The following FRMPD1 variants were observed in gnomAD, a reference collection of about 807,000 sequenced individuals.
FRMPD1 encodes FERM and PDZ domain containing 1.
A neutral mutation model predicts 117.8 loss-of-function variants in FRMPD1; 76 were observed. The ratio of observed to expected loss-of-function variants is 0.65; its 90% CI spans 0.54 to 0.78. The LOEUF is 0.78. FRMPD1 is among the 30% of genes least tolerant of loss of function. FRMPD1 has a pLI of 0.00. For missense variants in FRMPD1, 1,786 were observed against 1,964.5 expected (o/e 0.91, Z 1.72); for synonymous variants, 783 against 770.4 (o/e 1.02, Z -0.27).
chr9:37,730,979 C>T lies in FRMPD1; in HGVS notation c.739-5C>T, dbSNP rs749268128. ...GATTAATAGTATCTCCCTTACCCAT[C>T]GCAGGTGGTAGAAAGGGAGGAGTCA... On this transcript the variant is annotated splice_polypyrimidine_tract_variant and splice_region_variant and intron_variant, in intron 8 of 15. Transcript: ENST00000377765. 3.1e-5 allele frequency: 50 copies of T among 1,613,516 alleles called. No homozygotes were observed. The highest frequency in any genetic ancestry group is 8.9e-5 in the East Asian group (4 of 44,892).
chr9:37,742,688 T>C (rs1277546291), intron 15 of FRMPD1, among the ~76,000 whole-genome samples: 1 of 152,084 alleles, frequency 6.6e-6, no homozygotes, highest in Non-Finnish European at 1.5e-5. Flanking sequence ...CACCTGAGGT[T>C]GGGAGTTTGA....
chr9:37,743,904 G>A (rs1163404262), intron 15 of FRMPD1, among the ~76,000 whole-genome samples: 2 of 144,612 alleles, frequency 1.4e-5, no homozygotes, highest in African/African-American at 2.6e-5. Context: ...CAAAAAAAAA[G>A]AAAAAAAAAA....
chr9:37,636,596 G>A, the FRMPD1 span: 1 of 917,228 alleles, frequency 1.1e-6, no homozygotes, highest in Admixed American at 2.9e-5. Context: ...AGACTCAAAT[G>A]CCCCAGGAGA....
the FRMPD1 span, among the ~76,000 whole-genome samples, chr9:37,615,992 T>G: frequency 2.0e-5 from 3 of 151,992 alleles, no homozygotes; most frequent in Non-Finnish European, 4.4e-5. Context: ...TTTTTGTGTA[T>G]TTTTAGTAGA....
At position 37,745,730 on chromosome 9, in the gene FRMPD1, A is replaced by T. The variant is rs1332679166; in HGVS notation, c.3698A>T (p.His1233Leu). ...PEGIKAEAPN[H>L]VTGQDIAPRD... is the part of the protein sequence containing the mutation. ...GGGATCAAGGCAGAGGCACCTAACC[A>T]TGTGACAGGGCAAGATATAGCCCCT... The change falls in exon 16 of 16, where the codon CAT (histidine) becomes CTT (leucine). Residue 1233 changes from histidine (H) to leucine (L), a missense_variant. By Grantham distance (99) the His-to-Leu change is moderately conservative. Coordinates refer to ENST00000377765, the MANE Select transcript of FRMPD1 (RefSeq NM_014907.3). 6.2e-7 allele frequency: 1 copy of T among 1,614,194 alleles called. No individual in the cohort carries two copies. The highest frequency in any genetic ancestry group is 8.5e-7 in the Non-Finnish European group (1 of 1,180,024).
intron 1 of FRMPD1, among the ~76,000 whole-genome samples, chr9:37,691,529 T>C (rs1822138386): frequency 6.6e-6 from 1 of 152,242 alleles, no homozygotes; most frequent in Admixed American, 6.5e-5. Flanking sequence ...TAGGGAAAGC[T>C]GAATGAAGGG....
At chr9:37,705,388 C>T (rs991121438) in intron 2 of FRMPD1, among the ~76,000 whole-genome samples, 1 of 152,144 alleles carries the variant, frequency 6.6e-6, no homozygotes, top group African/African-American at 2.4e-5. Context: ...AGAGCAGTGG[C>T]ATGATCTCAG....
chr9:37,618,988 C>T, the FRMPD1 span, among the ~76,000 whole-genome samples: 4 of 152,190 alleles, frequency 2.6e-5, no homozygotes, highest in African/African-American at 4.8e-5. Flanking sequence ...CTGGGATTGA[C>T]TTTATCATTT....
At chr9:37,683,607 G>A (rs1353071355) in intron 1 of FRMPD1, among the ~76,000 whole-genome samples, 4 of 152,256 alleles carry the variant, frequency 2.6e-5, no homozygotes, top group Admixed American at 6.5e-5. Flanking sequence ...GAGGGCATGA[G>A]AAACCAAAGC....
intron 2 of FRMPD1, among the ~76,000 whole-genome samples, chr9:37,694,662 G>A (rs1021280576): frequency 9.2e-5 from 14 of 152,022 alleles, no homozygotes; most frequent in African/African-American, 1.2e-4. Flanking sequence ...TCAGCCTCCC[G>A]TGTAGCTGGG....
the FRMPD1 span, among the ~76,000 whole-genome samples, chr9:37,623,502 G>C: frequency 0.022 from 3,365 of 152,284 alleles, 142 homozygotes; most frequent in African/African-American, 0.077. Flanking sequence ...GGCCCCTCTA[G>C]GCTAAGGAAA....
chr9:37,685,356 C>A (rs1365557608), intron 1 of FRMPD1, among the ~76,000 whole-genome samples: 2 of 152,060 alleles, frequency 1.3e-5, no homozygotes, highest in African/African-American at 4.8e-5. Context: ...AATAAATTTG[C>A]CTTTCGGCTG....
chr9:37,610,461 C>T, the FRMPD1 span, among the ~76,000 whole-genome samples: 1 of 141,616 alleles, frequency 7.1e-6, no homozygotes, highest in Non-Finnish European at 1.5e-5. Flanking sequence ...GAGACGGAGT[C>T]CCACTCTGTC....
chr9:37,629,441 G>T, the FRMPD1 span, among the ~76,000 whole-genome samples: 1 of 152,142 alleles, frequency 6.6e-6, no homozygotes, highest in South Asian at 2.1e-4. Flanking sequence ...TGGAGTGGGG[G>T]CTGCTCTATA....
chr9:37,746,818 T>TCC lies in FRMPD1; in HGVS notation c.*51_*52dup. ...CCTGCCCTGTCCTGCCTTGGACACT[T>TCC]CCCTGAGAAGCCCCTTCCACTCTCC... On this transcript the variant is annotated 3_prime_UTR_variant, in exon 16 of 16. Transcript: ENST00000377765. 7.7e-7 allele frequency: 1 copy of TCC among 1,304,214 alleles called. No homozygotes were observed. The highest frequency in any genetic ancestry group is 1.1e-6 in the Non-Finnish European group (1 of 910,300). 80.8% of individuals were successfully genotyped at this position (1,304,214 alleles called of 1,614,324 possible).
At chr9:37,695,919 C>G (rs1288320325) in intron 2 of FRMPD1, among the ~76,000 whole-genome samples, 1 of 152,088 alleles carries the variant, frequency 6.6e-6, no homozygotes, top group Non-Finnish European at 1.5e-5. Flanking sequence ...CTCGACCCCA[C>G]CCCAAACCAT....
Position 37,733,711 on chromosome 9 carries a change from T to G in FRMPD1, c.1123-19T>G. 6 of 1,573,092 alleles carry G rather than the reference T, an allele frequency of 3.8e-6. No homozygotes were observed. Among genetic ancestry groups the G allele is most frequent in the Non-Finnish European group, 4.4e-6 (5 of 1,144,392 alleles). On this transcript the variant is annotated intron_variant, in intron 11 of 15. Coordinates refer to ENST00000377765, the MANE Select transcript of FRMPD1 (RefSeq NM_014907.3). Reference sequence around the variant, plus strand: ...CAATGAATAACTCTGACTTCAAGTGTTTTTTTTTCTCTATTAAGCAACTTA... The same window carrying G: ...CAATGAATAACTCTGACTTCAAGTGGTTTTTTTTCTCTATTAAGCAACTTA...
rs770842730 is a variant in FRMPD1, at chr9:37,707,555, G to C, written c.241G>C (p.Val81Leu). The C allele has an allele frequency of 1.2e-6, 2 of 1,613,716 alleles. No homozygotes were observed. Among genetic ancestry groups the C allele is most frequent in the African/African-American group, 2.7e-5 (2 of 74,914 alleles). The change falls in exon 3 of 16, where the codon GTG becomes CTG. Residue 81 changes from valine to leucine, a missense_variant. Physicochemically the swap from Val to Leu is conservative, Grantham distance 32 (BLOSUM62 1). Coordinates refer to ENST00000377765, the MANE Select transcript of FRMPD1 (RefSeq NM_014907.3). ...FHISESLPLT[V>L]VAVTAGGSAH... ...CATTTCTGAGAGCCTTCCCCTTACA[G>C]TGGTGGCTGTCACAGCAGGTAGGGG...
At chr9:37,665,910 C>G (rs1211195818) in intron 1 of FRMPD1, among the ~76,000 whole-genome samples, 1 of 152,168 alleles carries the variant, frequency 6.6e-6, no homozygotes, top group Non-Finnish European at 1.5e-5. Context: ...AGGGGTCAAT[C>G]TGGCATCACC....
Sources: allele counts gnomAD v4.1 joint callset (sites outside exome capture counted in the v4.1 genomes callset), GRCh38; gene constraint gnomAD v4.1.1; transcripts MANE v1.5; gene names NCBI Gene and HGNC (gene_info 2026-07-23, HGNC 2026-07-21).